ZNF335: variants seen among roughly 807,000 people sequenced by gnomAD.
ZNF335 encodes the protein zinc finger protein 335.
In ZNF335, 84 loss-of-function variants were observed where a neutral mutation model predicts 145.6. The ratio of observed to expected loss-of-function variants is 0.58; its 90% CI spans 0.48 to 0.69. ZNF335 has a LOEUF of 0.69. ZNF335 is among the 30% of genes least tolerant of loss of function. The pLI is 0.00. For synonymous variants in ZNF335, 761 were observed against 717.0 expected, an observed-to-expected ratio of 1.06 and a Z score of -0.98; for missense variants, 1,865 against 1,809.7, an observed-to-expected ratio of 1.03 and a Z score of -0.55.
chr20:45,955,217 G>C (rs766480073), intron 17 of ZNF335, among the ~76,000 whole-genome samples: 4 of 151,712 alleles, frequency 2.6e-5, no homozygotes, highest in Non-Finnish European at 5.9e-5. Context: ...AGCCAGTCGT[G>C]GTGGTGGGTG....
At chr20:45,968,105 G>C in intron 4 of ZNF335, 78 bp from the exon 5 acceptor site, 2 of 1,583,522 alleles carry the variant, frequency 1.3e-6, no homozygotes, top group Non-Finnish European at 1.7e-6. Flanking sequence ...CCCCTCCCAG[G>C]CAGGCCCAGG....
In ZNF335 at chr20:45,952,776, G is replaced by A. The variant is rs1339062634; in HGVS notation, c.2703-67C>T. ...CAGGAGCCCCCTTCCCCAAGCAACA[G>A]GCATCAACTGAGGAGTGACTGTCAC... On this transcript the variant is annotated intron_variant, in intron 18 of 27. Transcript: ENST00000322927. 6.2e-6 allele frequency: 9 copies of A among 1,443,478 alleles called. No individual in the cohort carries two copies. The East Asian group carries it at 6.8e-5, about 11-fold the overall frequency. The allele number at this position is 1,443,478 out of a possible 1,614,324, so 89.4% of individuals were successfully genotyped here. A position where few individuals can be genotyped will look rare whatever the true frequency, so the allele number is the denominator to read the frequency against.
intron 22 of ZNF335, 37 bp from the exon 23 acceptor site, chr20:45,950,106 G>A (rs1600517752): frequency 6.2e-7 from 1 of 1,610,786 alleles, no homozygotes; most frequent in Non-Finnish European, 8.5e-7. Context: ...CTGGGGTCCA[G>A]GAAAACCTGC....
chr20:45,966,551 CTTTTTTT>C (rs34666532), intron 6 of ZNF335, among the ~76,000 whole-genome samples: 2 of 140,560 alleles, frequency 1.4e-5, no homozygotes, highest in Non-Finnish European at 3.1e-5. Context: ...CTTTTTCTTT[CTTTTTTT>C]TTTTTTTTCT....
In ZNF335 at chr20:45,957,537, T is replaced by C. The variant is rs780124100; in HGVS notation, c.2442+49A>G. The C allele has an allele frequency of 7.0e-6, 11 of 1,569,050 alleles. No homozygotes were observed. In the East Asian group the frequency reaches 2.5e-4, roughly 35 times the overall value. ...CTAGTCCCAGTGTCCAGTGCAGGGCTGGGTACCTGCGGTAGCTGGGAAGGG... is the reference window on the plus strand; with the variant it reads ...CTAGTCCCAGTGTCCAGTGCAGGGCCGGGTACCTGCGGTAGCTGGGAAGGG... On this transcript the variant is annotated intron_variant, in intron 17 of 27. Transcript: ENST00000322927.
Position 45,967,612 on chromosome 20 carries a change from A to AGCT in ZNF335, c.834_836dup (p.Ala279dup). ...ACTTCCGTAGACGTCCTTTTTTACCAGCTGCTGCTGCGGCTGCTGCTACTG... is the reference window on the plus strand; with the variant it reads ...ACTTCCGTAGACGTCCTTTTTTACCAGCTGCTGCTGCTGCGGCTGCTGCTACTG... On this transcript the variant is annotated inframe_insertion, in exon 6 of 28. Transcript: ENST00000322927. 6.2e-7 allele frequency: 1 copy of AGCT among 1,613,928 alleles called. No individual in the cohort carries two copies. Among genetic ancestry groups the AGCT allele is most frequent in the Non-Finnish European group, 8.5e-7 (1 of 1,180,004 alleles).
intron 17 of ZNF335, among the ~76,000 whole-genome samples, chr20:45,956,522 C>G (rs995897395): frequency 6.6e-6 from 1 of 152,184 alleles, no homozygotes; most frequent in Admixed American, 6.5e-5. Flanking sequence ...GCCACCACGC[C>G]AGGCCCATTT....
Position 45,952,643 on chromosome 20 carries a change from G to A in ZNF335, c.2769C>T (p.Thr923=). Residue 923 remains threonine, a synonymous_variant, in exon 19 of 28, where the codon ACC becomes ACT. Transcript: ENST00000322927. The part of the protein sequence containing the change: ...VVSDTLKEAG[T]HYIMATDGTQ... ...TACCATCAGTAGCCATGATGTAGTG[G>A]GTGCCAGCTTCTTTTAGGGTGTCAC... The A allele has an allele frequency of 6.2e-7, 1 of 1,613,894 alleles. No homozygotes were observed. Among genetic ancestry groups the A allele is most frequent in the Non-Finnish European group, 8.5e-7 (1 of 1,180,006 alleles).
Position 45,960,863 on chromosome 20 carries a change from C to A in ZNF335, c.1665+1G>T. 1 of 1,613,956 alleles carries A rather than the reference C, an allele frequency of 6.2e-7. No homozygotes were observed. ...TTCCCAGGCCAGCACGCCAGACTCA[C>A]CGGATCTGGCCTCTTCTTCCTGTGG... On this transcript the variant is annotated splice_donor_variant, in intron 11 of 27. Transcript: ENST00000322927. LOFTEE classifies it high-confidence loss of function.
chr20:45,961,978 C>G, intron 10 of ZNF335, 92 bp downstream of exon 10: 1 of 1,080,064 alleles, frequency 9.3e-7, no homozygotes, highest in East Asian at 2.4e-5. Context: ...AGAGCAGGAG[C>G]ACGGTAAGTG....
Position 45,948,933 on chromosome 20 carries a change from C to G in ZNF335, c.*20G>C, listed in dbSNP as rs768145671. 2 of 1,613,754 alleles carry G rather than the reference C, an allele frequency of 1.2e-6. No individual in the cohort carries two copies. The highest frequency in any genetic ancestry group is 3.3e-5 in the Admixed American group (2 of 60,034). The stretch of plus-strand genomic sequence containing the variant: ...GGAGAGCTGGCCGCAAATCCATGAT[C>G]TGTGTTGGGCCCTCGGGGCTCAGTC... On this transcript the variant is annotated 3_prime_UTR_variant, in exon 28 of 28. Transcript: ENST00000322927.
intron 15 of ZNF335, 127 bp from the exon 16 acceptor site, chr20:45,958,055 CTT>C (rs796983437): frequency 1.7e-3 from 1,000 of 571,976 alleles, no homozygotes; most frequent in Non-Finnish European, 2.0e-3. Flanking sequence ...AACCACTTTT[CTT>C]TTTTTTTTTT....
intron 17 of ZNF335, among the ~76,000 whole-genome samples, chr20:45,955,966 G>A (rs1045701431): frequency 1.3e-5 from 2 of 152,206 alleles, no homozygotes; most frequent in African/African-American, 4.8e-5. Flanking sequence ...AGAGATGCAA[G>A]ATGGAGATCT....
chr20:45,967,680 C>T (rs1466221504), intron 5 of ZNF335, 46 bp from the exon 6 acceptor site: 1 of 1,610,192 alleles, frequency 6.2e-7, no homozygotes, highest in South Asian at 1.1e-5. Flanking sequence ...GTCTGGCTCC[C>T]AGCACCCCAC....
In ZNF335 at chr20:45,958,373, C is replaced by T. The variant is rs556386595; in HGVS notation, c.2254-445G>A. Among the ~76,000 whole-genome samples the T allele has an allele frequency of 1.2e-4, 19 of 152,314 alleles. No homozygotes were observed. In the South Asian group the frequency reaches 3.7e-3, roughly 30 times the overall value. ...ATAACCAGTTTTCAAAATATACGAG[C>T]TCAGTGCTACAGATGAACCCACTAA... On this transcript the variant is annotated intron_variant, in intron 15 of 27. Coordinates refer to ENST00000322927, the MANE Select transcript of ZNF335 (RefSeq NM_022095.4).
rs754489396 is a variant in ZNF335, at chr20:45,950,605, G to A, written c.3190-10C>T. 5.6e-6 allele frequency: 9 copies of A among 1,613,676 alleles called. No homozygotes were observed. Among genetic ancestry groups the A allele is most frequent in the African/African-American group, 1.3e-5 (1 of 75,040 alleles). On this transcript the variant is annotated splice_polypyrimidine_tract_variant and intron_variant, in intron 20 of 27. Transcript: ENST00000322927. ...GCTGTGCCATGTGCGCCTGCAGAGA[G>A]GGCAGAGTTGGGGGCATTGGCTGGG...
chr20:45,965,691 G>T lies in ZNF335; in HGVS notation c.1039C>A (p.Pro347Thr), dbSNP rs2083939211. The T allele has an allele frequency of 6.2e-7, 1 of 1,603,294 alleles. No individual in the cohort carries two copies. Among genetic ancestry groups the T allele is most frequent in the Non-Finnish European group, 8.5e-7 (1 of 1,175,840 alleles). Residue 347 changes from proline (P) to threonine (T), a missense_variant, in exon 7 of 28, where the codon CCC (proline) becomes ACC (threonine). Pro to Thr is a conservative substitution (Grantham distance 38, BLOSUM62 -1). Transcript: ENST00000322927. ...CGGGGCCGGCCAGGTCTCCTTCGGGGCCTTGGGGTACTGGGGGTGGGGCGC... is the reference window on the plus strand; with the variant it reads ...CGGGGCCGGCCAGGTCTCCTTCGGGTCCTTGGGGTACTGGGGGTGGGGCGC... ...LQRPTPSTPR[P>T]RRRPGRPRKL...
Position 45,967,838 on chromosome 20 carries a change from A to T in ZNF335, c.710T>A (p.Met237Lys). The T allele has an allele frequency of 6.2e-7, 1 of 1,613,412 alleles. No individual in the cohort carries two copies. The highest frequency in any genetic ancestry group is 8.5e-7 in the Non-Finnish European group (1 of 1,180,018). Reference protein sequence around the residue: ...EPDLQSLEAMMEVVVVQQFKC... With the variant: ...EPDLQSLEAMKEVVVVQQFKC... ...GAACTGCTGCACCACCACCACCTCC[A>T]TCATGGCCTCCAGGCTCTGCAGGTC... Residue 237 changes from methionine (M) to lysine (K), a missense_variant, in exon 5 of 28, where the codon ATG (methionine) becomes AAG (lysine). By Grantham distance (95) the Met-to-Lys change is moderately conservative. Coordinates refer to ENST00000322927, the MANE Select transcript of ZNF335 (RefSeq NM_022095.4).
rs756424833 is a variant in ZNF335, at chr20:45,972,115, A to G, written c.-51+7T>C. ...GGTGGGGCCGCCTAACTCTACCCGA[A>G]GCTCACCCGAGGCTTTCGTAGCCAC... On this transcript the variant is annotated splice_region_variant and intron_variant, in intron 1 of 27. Transcript: ENST00000322927. 3.1e-6 allele frequency: 4 copies of G among 1,289,188 alleles called. No individual in the cohort carries two copies. The South Asian group carries it at 3.7e-5, about 12-fold the overall frequency. 79.9% of individuals were successfully genotyped at this position (1,289,188 alleles called of 1,614,324 possible). A position where few individuals can be genotyped will look rare whatever the true frequency, so the allele number is the denominator to read the frequency against.
Sources: allele counts gnomAD v4.1 joint callset (sites outside exome capture counted in the v4.1 genomes callset), GRCh38; gene constraint gnomAD v4.1.1; transcripts MANE v1.5; gene names NCBI Gene and HGNC (gene_info 2026-07-23, HGNC 2026-07-21).